The following ACOT7 variants were observed in gnomAD, a reference collection of about 807,000 sequenced individuals.
ACOT7 encodes the protein cytosolic acyl coenzyme A thioester hydrolase.
A neutral mutation model predicts 40.2 loss-of-function variants in ACOT7; 12 were observed. That is an observed-to-expected ratio of 0.30 (90% CI 0.19 to 0.48). The LOEUF is 0.48. ACOT7 is among the 20% of genes least tolerant of loss of function. The probability of loss-of-function intolerance (pLI) is 0.99; values close to 1 mark genes in which losing one functional copy is unlikely to be tolerated. For synonymous variants in ACOT7, 228 were observed against 219.5 expected, an observed-to-expected ratio of 1.04 and a Z score of -0.34; for missense variants, 395 against 530.8, an observed-to-expected ratio of 0.74 and a Z score of 2.51.
chr1:6,311,609 T>C lies in ACOT7; in HGVS notation c.712+6883A>G, dbSNP rs1017165073. On this transcript the variant is annotated intron_variant, in intron 6 of 8. Transcript: ENST00000361521. The surrounding 1 kb of genome is among the most constrained non-coding windows in gnomAD (Gnocchi z 5.2). ...TTCAGGGAGGATCACAGTAACTAAC[T>C]GTAGGAATGAGGTTCTTCTTCCGGC... Among the ~76,000 whole-genome samples, 1 of 152,168 alleles carries C rather than the reference T, an allele frequency of 6.6e-6. No individual in the cohort carries two copies. The highest frequency in any genetic ancestry group is 2.4e-5 in the African/African-American group (1 of 41,422).
chr1:6,342,336 C>T (rs111822727), intron 2 of ACOT7, among the ~76,000 whole-genome samples: 1 of 152,104 alleles, frequency 6.6e-6, no homozygotes, highest in South Asian at 2.1e-4. Flanking sequence ...CCCCCTAATA[C>T]CATCACCCTG....
intron 3 of ACOT7, among the ~76,000 whole-genome samples, chr1:6,339,214 G>A (rs1641193570): frequency 6.6e-6 from 1 of 152,212 alleles, no homozygotes; most frequent in Non-Finnish European, 1.5e-5. Flanking sequence ...GTCCTGCTCT[G>A]GGTAACTGAA....
intron 1 of ACOT7, among the ~76,000 whole-genome samples, chr1:6,362,202 G>A (rs890703418): frequency 6.6e-6 from 1 of 152,076 alleles, no homozygotes; most frequent in Admixed American, 6.6e-5. Context: ...AGGCCAAGGC[G>A]GGCGGATCAC....
chr1:6,282,800 T>G lies in ACOT7; in HGVS notation c.830-1514A>C, dbSNP rs369716031. ...GCGCCAGCAGGCATTACGTGAGCTG[T>G]AAGGTACAGAGTCCCATGCAAAGCG... On this transcript the variant is annotated intron_variant, in intron 7 of 8. Coordinates refer to ENST00000361521, the MANE Select transcript of ACOT7 (RefSeq NM_007274.4). This position sits in a 1 kb window ranked among gnomAD's most constrained non-coding sequence, Gnocchi z 4.5. 3 of 1,304,260 alleles carry G rather than the reference T, an allele frequency of 2.3e-6. No homozygotes were observed. The highest frequency in any genetic ancestry group is 3.0e-6 in the Non-Finnish European group (3 of 988,958). 80.8% of individuals were successfully genotyped at this position (1,304,260 alleles called of 1,614,324 possible).
intron 1 of ACOT7, among the ~76,000 whole-genome samples, chr1:6,365,019 G>A (rs1270873839): frequency 6.8e-6 from 1 of 147,056 alleles, no homozygotes; most frequent in African/African-American, 2.6e-5. Context: ...GTGAGACTCC[G>A]TCTCAAAAAA....
chr1:6,279,024 C>G (rs1571264111), intron 8 of ACOT7, among the ~76,000 whole-genome samples: 1 of 152,232 alleles, frequency 6.6e-6, no homozygotes, highest in Non-Finnish European at 1.5e-5. Flanking sequence ...TCAGGACAGA[C>G]AGCAGCCACG....
In ACOT7 at chr1:6,338,910, T is replaced by C. The variant is rs1002395662; in HGVS notation, c.418+523A>G. On this transcript the variant is annotated intron_variant, in intron 3 of 8. Transcript: ENST00000361521. The surrounding 1 kb of genome is among the most constrained non-coding windows in gnomAD (Gnocchi z 4.4). ...AGTGGGAAGGGGAAGGGGGTTTCCA[T>C]GGTTACCATGGCCAAGGAGGAGAAT... Among the ~76,000 whole-genome samples the C allele has an allele frequency of 6.6e-6, 1 of 152,086 alleles. No individual in the cohort carries two copies. The highest frequency in any genetic ancestry group is 1.5e-5 in the Non-Finnish European group (1 of 67,988).
intron 6 of ACOT7, among the ~76,000 whole-genome samples, chr1:6,313,802 TTG>T (rs1640409050): frequency 1.3e-5 from 2 of 149,504 alleles, no homozygotes; most frequent in African/African-American, 5.1e-5. Context: ...CACAGCTGCA[TTG>T]TTAGTTCAAA....
intron 2 of ACOT7, among the ~76,000 whole-genome samples, chr1:6,343,415 G>A (rs1226040506): frequency 3.3e-5 from 5 of 152,254 alleles, no homozygotes; most frequent in South Asian, 4.1e-4. Context: ...GCACACAGGC[G>A]CAGGGACTCT....
intron 1 of ACOT7, among the ~76,000 whole-genome samples, chr1:6,367,597 C>T (rs1014673309): frequency 6.6e-6 from 1 of 152,198 alleles, no homozygotes; most frequent in East Asian, 1.9e-4. Flanking sequence ...CTGGACCAAG[C>T]GCACCTCAAG....
In ACOT7 at chr1:6,349,868, T is replaced by C; in HGVS notation, c.144-2A>G. 6.2e-7 allele frequency: 1 copy of C among 1,613,852 alleles called. No homozygotes were observed. Among genetic ancestry groups the C allele is most frequent in the Non-Finnish European group, 8.5e-7 (1 of 1,179,850 alleles). ...TTGGCATCATCTGGCCGCATGATCC[T>C]AGGGCAGAGGAGAAGCAGGATGAGG... On this transcript the variant is annotated splice_acceptor_variant, in intron 1 of 8. Transcript: ENST00000361521. LOFTEE classifies it high-confidence loss of function.
At chr1:6,270,055 T>C (rs960517388) in intron 8 of ACOT7, among the ~76,000 whole-genome samples, 31 of 152,186 alleles carry the variant, frequency 2.0e-4, no homozygotes, top group African/African-American at 6.8e-4. Flanking sequence ...TGTCCCATGG[T>C]AGGTTACGGG....
At chr1:6,280,147 C>T (rs1639313209) in intron 8 of ACOT7, among the ~76,000 whole-genome samples, 1 of 152,238 alleles carries the variant, frequency 6.6e-6, no homozygotes, top group African/African-American at 2.4e-5. Context: ...ACGCCAGCTC[C>T]CAAGAGGCCT....
intron 8 of ACOT7, among the ~76,000 whole-genome samples, chr1:6,266,874 C>T (rs1638868459): frequency 6.6e-6 from 1 of 152,220 alleles, no homozygotes; most frequent in Non-Finnish European, 1.5e-5. Flanking sequence ...GGCAACAGGA[C>T]CTGGTGGGGT....
Position 6,343,241 on chromosome 1 carries a change from G to A in ACOT7, c.262-3652C>T, listed in dbSNP as rs545804083. ...GTGCGTCTGTGCTCTCCCACCTACC[G>A]CCTGCCGCCCCCAAAGCACCGACAT... On this transcript the variant is annotated intron_variant, in intron 2 of 8. Coordinates refer to ENST00000361521, the MANE Select transcript of ACOT7 (RefSeq NM_007274.4). 1.5e-3 allele frequency among the ~76,000 whole-genome samples: 226 copies of A among 152,262 alleles called. 1 individual carries two copies. Among genetic ancestry groups the A allele is most frequent in the African/African-American group, 5.2e-3 (216 of 41,550 alleles).
chr1:6,312,070 G>A lies in ACOT7; in HGVS notation c.712+6422C>T, dbSNP rs1013902024. On this transcript the variant is annotated intron_variant, in intron 6 of 8. Transcript: ENST00000361521. Reference sequence around the variant, plus strand: ...TACAGACCGGATCTGACGGAGAAGTGAGAAGAGGGCAGGATGGAGAGGAAG... The same window carrying A: ...TACAGACCGGATCTGACGGAGAAGTAAGAAGAGGGCAGGATGGAGAGGAAG... Among the ~76,000 whole-genome samples the A allele has an allele frequency of 1.8e-4, 27 of 152,188 alleles. 1 individual carries two copies. Among genetic ancestry groups the A allele is most frequent in the African/African-American group, 6.5e-4 (27 of 41,444 alleles).
intron 8 of ACOT7, among the ~76,000 whole-genome samples, chr1:6,272,242 G>GATGAATGA (rs111930372): frequency 6.6e-6 from 1 of 152,236 alleles, no homozygotes; most frequent in African/African-American, 2.4e-5. Context: ...TTGCTGGATG[G>GATGAATGA]ATGAATGAAT....
At chr1:6,296,917 T>C (rs1015097852) in intron 6 of ACOT7, among the ~76,000 whole-genome samples, 11 of 152,184 alleles carry the variant, frequency 7.2e-5, no homozygotes, top group Admixed American at 5.9e-4. Context: ...TTTACTTAGG[T>C]TGAACTACAT....
chr1:6,281,178 T>A lies in ACOT7; in HGVS notation c.938A>T (p.Tyr313Phe). 2 of 1,614,076 alleles carry A rather than the reference T, an allele frequency of 1.2e-6. No homozygotes were observed. Among genetic ancestry groups the A allele is most frequent in the South Asian group, 1.1e-5 (1 of 91,082 alleles). ...DPVVDSSQKR[Y>F]RAASAFFTYV... ...GGTGAAGAAGGCACTGGCGGCCCGG[T>A]AGCGCTTCTGAGAGCTGTCCACAAC... The change falls in exon 8 of 9, where the codon TAC (tyrosine) becomes TTC (phenylalanine). Residue 313 changes from tyrosine to phenylalanine, a missense_variant. This residue lies in a region of ACOT7 where 309 missense variants were observed against 470.3 expected (regional missense o/e 0.66). Coordinates refer to ENST00000361521, the MANE Select transcript of ACOT7 (RefSeq NM_007274.4).
Sources: allele counts gnomAD v4.1 joint callset (sites outside exome capture counted in the v4.1 genomes callset), GRCh38; gene constraint gnomAD v4.1.1; regional missense constraint gnomAD v4.1.1; non-coding constraint Gnocchi (gnomAD v3.1); transcripts MANE v1.5; gene names NCBI Gene and HGNC (gene_info 2026-07-23, HGNC 2026-07-21).